Variants in CSMD1 observed in about 807,000 individuals in gnomAD.
CSMD1 encodes the protein CUB and Sushi multiple domains 1.
In CSMD1, 213 loss-of-function variants were observed where a neutral mutation model predicts 417.5. The ratio of observed to expected loss-of-function variants is 0.51; its 90% CI spans 0.46 to 0.57. CSMD1 has a LOEUF of 0.57. CSMD1 is among the 20% of genes least tolerant of loss of function. The probability of loss-of-function intolerance (pLI) is 0.00; values close to 1 mark genes in which losing one functional copy is unlikely to be tolerated. For missense variants in CSMD1, 6,923 were observed against 4,529.7 expected, an observed-to-expected ratio of 1.53 and a Z score of -15.17; for synonymous variants, 2,862 against 1,736.8, an observed-to-expected ratio of 1.65 and a Z score of -16.11.
At chr8:3,926,777 G>C (rs552976841) in intron 5 of CSMD1, among the ~76,000 whole-genome samples, 1 of 130,282 alleles carries the variant, frequency 7.7e-6, no homozygotes, top group Non-Finnish European at 1.5e-5. Flanking sequence ...ATGCAGTGTC[G>C]TGATCTCAGC....
In CSMD1 at chr8:3,000,136, A is replaced by T; in HGVS notation, c.8030-5T>A. The T allele has an allele frequency of 6.5e-7, 1 of 1,532,972 alleles. No homozygotes were observed. The highest frequency in any genetic ancestry group is 1.3e-5 in the South Asian group (1 of 76,930). The allele number at this position is 1,532,972 out of a possible 1,614,324, so 95.0% of individuals were successfully genotyped here. A position where few individuals can be genotyped will look rare whatever the true frequency, so the allele number is the denominator to read the frequency against. ...CTGGGGAACCGCAGTGGCCAGCTAAAAATGTTAAACCAATTTTAAAATTTA... is the reference window on the plus strand; with the variant it reads ...CTGGGGAACCGCAGTGGCCAGCTAATAATGTTAAACCAATTTTAAAATTTA... On this transcript the variant is annotated splice_region_variant and splice_polypyrimidine_tract_variant and intron_variant, in intron 52 of 69. Coordinates refer to ENST00000635120, the MANE Select transcript of CSMD1 (RefSeq NM_033225.6).
chr8:4,400,959 GTC>G (rs1240865304), intron 3 of CSMD1, among the ~76,000 whole-genome samples: 2 of 79,036 alleles, frequency 2.5e-5, no homozygotes, highest in African/African-American at 4.4e-5. Flanking sequence ...ATAATATTAT[GTC>G]TTATATTCCC....
intron 3 of CSMD1, among the ~76,000 whole-genome samples, chr8:4,176,015 G>C (rs570747500): frequency 6.6e-6 from 1 of 152,036 alleles, no homozygotes; most frequent in African/African-American, 2.4e-5. Flanking sequence ...CAGGCTTCTC[G>C]CCATAGCCAT....
intron 30 of CSMD1, among the ~76,000 whole-genome samples, chr8:3,206,085 T>C (rs1001503883): frequency 6.6e-6 from 1 of 152,170 alleles, no homozygotes; most frequent in Admixed American, 6.5e-5. Context: ...TGTTTTAACG[T>C]TTCATCTTAT....
chr8:3,273,078 T>C (rs560198954), intron 26 of CSMD1, among the ~76,000 whole-genome samples: 2 of 152,128 alleles, frequency 1.3e-5, no homozygotes, highest in Admixed American at 6.5e-5. Flanking sequence ...TTGTTATAGA[T>C]AGCTCTTATT....
chr8:4,618,411 G>C (rs1252280732), intron 2 of CSMD1, among the ~76,000 whole-genome samples: 1 of 152,122 alleles, frequency 6.6e-6, no homozygotes, highest in Non-Finnish European at 1.5e-5. Flanking sequence ...GATTTGAACA[G>C]AAGAGCAAAG....
chr8:3,674,698 G>C (rs529518647), intron 7 of CSMD1, among the ~76,000 whole-genome samples: 71 of 152,226 alleles, frequency 4.7e-4, no homozygotes, highest in African/African-American at 1.7e-3. Flanking sequence ...GGCAGAGAAT[G>C]AGATGAGAGC....
chr8:3,236,648 A>G (rs1419737822), intron 26 of CSMD1, among the ~76,000 whole-genome samples: 6 of 152,200 alleles, frequency 3.9e-5, no homozygotes, highest in Non-Finnish European at 7.3e-5. Flanking sequence ...GGCTCTTCAC[A>G]AAGTGATTGG....
At chr8:4,363,504 T>C (rs776366647) in intron 3 of CSMD1, among the ~76,000 whole-genome samples, 4 of 152,166 alleles carry the variant, frequency 2.6e-5, no homozygotes, top group African/African-American at 2.4e-5. Flanking sequence ...AGCATACTTT[T>C]ATTGTTTGCA....
chr8:4,939,346 C>T (rs1807828918), intron 1 of CSMD1, among the ~76,000 whole-genome samples: 1 of 152,208 alleles, frequency 6.6e-6, no homozygotes, highest in Non-Finnish European at 1.5e-5. Context: ...TATCTGCAAG[C>T]TCATGTCTCT....
intron 3 of CSMD1, among the ~76,000 whole-genome samples, chr8:4,397,864 A>C (rs570212458): frequency 3.3e-5 from 5 of 152,276 alleles, no homozygotes; most frequent in African/African-American, 1.2e-4. Context: ...TTTCTAATTA[A>C]AACAATTTTC....
At chr8:3,640,299 C>T (rs1797245803) in intron 7 of CSMD1, among the ~76,000 whole-genome samples, 1 of 152,136 alleles carries the variant, frequency 6.6e-6, no homozygotes, top group Admixed American at 6.5e-5. Flanking sequence ...ATTTAGTCTC[C>T]AGGTTTCATG....
chr8:3,325,567 T>C (rs537700298), intron 23 of CSMD1, among the ~76,000 whole-genome samples: 5 of 152,204 alleles, frequency 3.3e-5, no homozygotes, highest in Non-Finnish European at 5.9e-5. Flanking sequence ...CTCACGCCTG[T>C]AATCCCAGCA....
intron 3 of CSMD1, among the ~76,000 whole-genome samples, chr8:4,321,814 CT>C (rs1413345654): frequency 6.6e-6 from 1 of 151,958 alleles, no homozygotes; most frequent in East Asian, 1.9e-4. Context: ...TACTAAATAT[CT>C]TTTTTGGTAG....
rs770954022 is a variant in CSMD1, at chr8:3,907,176, G to A, written c.818+90727C>T. Among the ~76,000 whole-genome samples, 7 of 152,078 alleles carry A rather than the reference G, an allele frequency of 4.6e-5. 1 individual carries two copies. Among genetic ancestry groups the A allele is most frequent in the South Asian group, 4.1e-4 (2 of 4,828 alleles). On this transcript the variant is annotated intron_variant, in intron 5 of 69. Transcript: ENST00000635120. ...GTGTATTACTTTAAACGGCACACAC[G>A]CATGTTACCTGAATCAGCGATCTGA...
At chr8:3,575,736 A>T (rs1024273208) in intron 9 of CSMD1, among the ~76,000 whole-genome samples, 11 of 152,048 alleles carry the variant, frequency 7.2e-5, no homozygotes, top group Non-Finnish European at 1.5e-4. Flanking sequence ...AAAAAATCTT[A>T]AAGTTGAAAT....
chr8:3,849,947 TG>T (rs201953553), intron 5 of CSMD1, among the ~76,000 whole-genome samples: 4,089 of 152,208 alleles, frequency 0.027, 79 homozygotes, highest in African/African-American at 0.058. Context: ...CCCAAGTAGC[TG>T]GGAATTACAG....
rs112968543 is a variant in CSMD1 at position 3,638,442 on chromosome 8, C to CAA, written c.1010-21647_1010-21646dup. Among the ~76,000 whole-genome samples the CAA allele has an allele frequency of 4.2e-5, 6 of 141,494 alleles. No homozygotes were observed. The East Asian group carries it at 8.2e-4, about 19-fold the overall frequency. The allele number at this position is 141,494 out of a possible 152,430, so 92.8% of individuals were successfully genotyped here. A position where few individuals can be genotyped will look rare whatever the true frequency, so the allele number is the denominator to read the frequency against. On this transcript the variant is annotated intron_variant, in intron 7 of 69. Coordinates refer to ENST00000635120, the MANE Select transcript of CSMD1 (RefSeq NM_033225.6). ...TTTGCCCACCGCAACTGCACCCCTC[C>CAA]AAAAAAAAAAACACTGCCTCTGAAA...
At chr8:4,190,289 G>A (rs558594590) in intron 3 of CSMD1, among the ~76,000 whole-genome samples, 1 of 149,970 alleles carries the variant, frequency 6.7e-6, no homozygotes, top group Non-Finnish European at 1.5e-5. Flanking sequence ...GAGACTCTGG[G>A]TCTGGTCTAG....
Sources: gnomAD v4.1 joint callset for allele counts (sites outside exome capture counted in the v4.1 genomes callset) on GRCh38, gnomAD v4.1.1 for gene constraint, MANE v1.5 for transcripts, NCBI Gene and HGNC (gene_info 2026-07-23, HGNC 2026-07-21) for gene names.